The following NBEA variants were observed in gnomAD, a reference collection of about 807,000 sequenced individuals.
The protein encoded by NBEA is lysosomal-trafficking regulator 2.
Under a neutral mutation model 343.4 loss-of-function variants are expected in NBEA, and 44 were observed. The observed-to-expected ratio is 0.13, with a 90% confidence interval of 0.10 to 0.16. The LOEUF is 0.16. Among genes scored for constraint, NBEA ranks in the 10% least tolerant of loss-of-function variants. NBEA has a pLI of 1.00. For missense variants in NBEA, 2,555 were observed against 3,631.3 expected, an observed-to-expected ratio of 0.70 and a Z score of 7.62; for synonymous variants, 1,175 against 1,238.7, an observed-to-expected ratio of 0.95 and a Z score of 1.08.
chr13:35,138,532 C>T (rs2067875839), intron 17 of NBEA, among the ~76,000 whole-genome samples: 1 of 151,338 alleles, frequency 6.6e-6, no homozygotes, highest in African/African-American at 2.4e-5. Flanking sequence ...CAATCTCCAC[C>T]CACTGCAACC....
intron 36 of NBEA, among the ~76,000 whole-genome samples, chr13:35,338,555 A>C (rs999184188): frequency 6.6e-6 from 1 of 152,104 alleles, no homozygotes; most frequent in Admixed American, 6.6e-5. Context: ...AATCAACAGC[A>C]GTCCTTCTCA....
At chr13:35,152,033 A>G (rs1442044832) in intron 18 of NBEA, among the ~76,000 whole-genome samples, 1 of 152,018 alleles carries the variant, frequency 6.6e-6, no homozygotes, top group African/African-American at 2.4e-5. Context: ...TCATTACTTC[A>G]TTGTGATATT....
intron 1 of NBEA, among the ~76,000 whole-genome samples, chr13:35,036,561 T>G (rs529010388): frequency 1.3e-5 from 2 of 152,310 alleles, no homozygotes; most frequent in South Asian, 4.1e-4. Flanking sequence ...AGTACCCCCT[T>G]TAGCATTTCT....
At chr13:35,599,097 G>GTTAA (rs1315865643) in intron 47 of NBEA, among the ~76,000 whole-genome samples, 4 of 152,218 alleles carry the variant, frequency 2.6e-5, no homozygotes, top group African/African-American at 9.6e-5. Flanking sequence ...AGAAGACGAT[G>GTTAA]TTAATTTTCC....
At chr13:34,945,017 T>A (rs898822022) in intron 1 of NBEA, among the ~76,000 whole-genome samples, 14 of 152,080 alleles carry the variant, frequency 9.2e-5, no homozygotes, top group African/African-American at 3.4e-4. Context: ...AAAAAAGAAA[T>A]TTAACTCTTC....
chr13:35,423,792 T>C (rs1445347713), intron 38 of NBEA, among the ~76,000 whole-genome samples: 1 of 152,200 alleles, frequency 6.6e-6, no homozygotes, highest in Non-Finnish European at 1.5e-5. Context: ...GCATGGAATG[T>C]TCTTCCATTT....
intron 41 of NBEA, among the ~76,000 whole-genome samples, chr13:35,543,290 T>C (rs558207270): frequency 1.2e-4 from 18 of 152,312 alleles, no homozygotes; most frequent in African/African-American, 4.3e-4. Context: ...TACTTATAAC[T>C]TTCTTTTTTA....
At chr13:35,441,465 G>C (rs761798433) in intron 39 of NBEA, among the ~76,000 whole-genome samples, 13 of 152,006 alleles carry the variant, frequency 8.6e-5, no homozygotes, top group Non-Finnish European at 1.8e-4. Context: ...ATGCTAACTT[G>C]CATGACCTAT....
intron 33 of NBEA, among the ~76,000 whole-genome samples, chr13:35,229,750 G>A (rs527584714): frequency 6.6e-6 from 1 of 152,078 alleles, no homozygotes; most frequent in Non-Finnish European, 1.5e-5. Flanking sequence ...AGGCGATAAA[G>A]GAGGTTCTTA....
At chr13:35,350,609 TA>T (rs2040139253) in intron 37 of NBEA, among the ~76,000 whole-genome samples, 1 of 152,040 alleles carries the variant, frequency 6.6e-6, no homozygotes, top group South Asian at 2.1e-4. Flanking sequence ...TTTATAAACA[TA>T]AAATATAATA....
chr13:35,414,876 A>G (rs569385322), intron 38 of NBEA, among the ~76,000 whole-genome samples: 11 of 152,244 alleles, frequency 7.2e-5, no homozygotes, highest in African/African-American at 2.2e-4. Context: ...ATTTCTCCAC[A>G]TCCTCTCCAG....
At chr13:34,952,597 G>T (rs1370658454) in intron 1 of NBEA, among the ~76,000 whole-genome samples, 2 of 151,934 alleles carry the variant, frequency 1.3e-5, no homozygotes, top group Admixed American at 6.6e-5. Context: ...TACCATATTT[G>T]CTTGAATAAA....
intron 1 of NBEA, among the ~76,000 whole-genome samples, chr13:35,030,944 A>G (rs1016020354): frequency 6.6e-6 from 1 of 151,626 alleles, no homozygotes; most frequent in African/African-American, 2.4e-5. Context: ...AATTCCTTTC[A>G]CAGCCGACTC....
At chr13:34,947,842 A>T (rs1232326186) in intron 1 of NBEA, among the ~76,000 whole-genome samples, 1 of 152,204 alleles carries the variant, frequency 6.6e-6, no homozygotes, top group African/African-American at 2.4e-5. Flanking sequence ...GTCAACTCAT[A>T]TAAACTTTAT....
chr13:35,119,752 A>AT (rs1241200836), intron 16 of NBEA, among the ~76,000 whole-genome samples: 4 of 151,952 alleles, frequency 2.6e-5, no homozygotes, highest in Non-Finnish European at 5.9e-5. Context: ...TGCCCGGCTA[A>AT]TTTTTTGTAT....
chr13:35,019,883 T>G (rs1429242279), intron 1 of NBEA, among the ~76,000 whole-genome samples: 1 of 152,198 alleles, frequency 6.6e-6, no homozygotes, highest in Non-Finnish European at 1.5e-5. Flanking sequence ...TTTATATTGG[T>G]TCTCTTTGCC....
Position 35,184,860 on chromosome 13 carries a change from G to C in NBEA, c.4927+789G>C, listed in dbSNP as rs559859185. Among the ~76,000 whole-genome samples the C allele has an allele frequency of 3.9e-5, 6 of 152,246 alleles. No homozygotes were observed. The South Asian group carries it at 1.2e-3, about 32-fold the overall frequency. ...CAGAACAAAGGATTTATAAGAGGTA[G>C]AATTCTGTGATAGCTCCAAGATTTT... On this transcript the variant is annotated intron_variant, in intron 30 of 58. Coordinates refer to ENST00000379939, the MANE Select transcript of NBEA (RefSeq NM_001385012.1).
chr13:35,620,612 T>C (rs2082941304), intron 48 of NBEA, among the ~76,000 whole-genome samples: 1 of 152,074 alleles, frequency 6.6e-6, no homozygotes, highest in Non-Finnish European at 1.5e-5. Context: ...ATCTTTTGAG[T>C]GGAAGTGTGA....
At chr13:35,296,909 CATG>C (rs1324250280) in intron 35 of NBEA, among the ~76,000 whole-genome samples, 6 of 152,068 alleles carry the variant, frequency 3.9e-5, no homozygotes, top group Non-Finnish European at 7.4e-5. Flanking sequence ...TACATTTCCT[CATG>C]ATCATTTTTT....
Sources: gnomAD v4.1 joint callset for allele counts (sites outside exome capture counted in the v4.1 genomes callset) on GRCh38, gnomAD v4.1.1 for gene constraint, MANE v1.5 for transcripts, NCBI Gene and HGNC (gene_info 2026-07-23, HGNC 2026-07-21) for gene names.